CAMK1D: variants seen among roughly 807,000 people sequenced by gnomAD.
The protein encoded by CAMK1D is calcium/calmodulin dependent protein kinase ID.
In CAMK1D, 9 loss-of-function variants were observed where a neutral mutation model predicts 47.7. The ratio of observed to expected loss-of-function variants is 0.19; its 90% CI spans 0.11 to 0.33. CAMK1D has a LOEUF of 0.33. Ranked by LOEUF, CAMK1D falls within the 10% of genes least tolerant of loss-of-function variation. The probability of loss-of-function intolerance (pLI) is 1.00; values close to 1 mark genes in which losing one functional copy is unlikely to be tolerated. For synonymous variants in CAMK1D, 184 were observed against 184.9 expected (o/e 0.99, Z 0.04); for missense variants, 291 against 488.7 (o/e 0.60, Z 3.81).
At chr10:12,727,400 A>G (rs17152157) in intron 3 of CAMK1D, among the ~76,000 whole-genome samples, 2,304 of 152,322 alleles carry the variant, frequency 0.015, 71 homozygotes, top group African/African-American at 0.052. Context: ...TTCAAGAAGC[A>G]TTTTTACTGA....
chr10:12,653,562 T>C (rs562001509), intron 2 of CAMK1D, among the ~76,000 whole-genome samples: 220 of 152,314 alleles, frequency 1.4e-3, no homozygotes, highest in Middle Eastern at 6.8e-3. Context: ...TAATTACTGA[T>C]GTGCAAAAAT....
At chr10:12,532,256 C>T (rs1276939933) in intron 1 of CAMK1D, among the ~76,000 whole-genome samples, 8 of 151,796 alleles carry the variant, frequency 5.3e-5, no homozygotes, top group Non-Finnish European at 4.4e-5. Flanking sequence ...CACTTGGCCA[C>T]AAGAGTCCTG....
chr10:12,634,503 G>C (rs1839461148), intron 2 of CAMK1D, among the ~76,000 whole-genome samples: 1 of 152,164 alleles, frequency 6.6e-6, no homozygotes, highest in Non-Finnish European at 1.5e-5. Context: ...CGGGGTGGGA[G>C]GTGGCTGGAA....
chr10:12,424,041 C>T (rs932921223), intron 1 of CAMK1D, among the ~76,000 whole-genome samples: 11 of 152,262 alleles, frequency 7.2e-5, no homozygotes, highest in South Asian at 2.1e-4. Flanking sequence ...CCACGCCGTG[C>T]GGCCTGTTCG....
chr10:12,462,025 G>A (rs963959927), intron 1 of CAMK1D, among the ~76,000 whole-genome samples: 10 of 152,028 alleles, frequency 6.6e-5, no homozygotes, highest in African/African-American at 1.7e-4. Flanking sequence ...ACTCCCTTGC[G>A]ACTCAGCGAA....
chr10:12,490,760 G>A (rs529019198), intron 1 of CAMK1D, among the ~76,000 whole-genome samples: 10 of 152,156 alleles, frequency 6.6e-5, no homozygotes, highest in African/African-American at 2.2e-4. Context: ...CAGGAGAATC[G>A]CTTGAACCCA....
intron 3 of CAMK1D, among the ~76,000 whole-genome samples, chr10:12,702,890 A>C (rs1310422763): frequency 6.6e-6 from 1 of 152,208 alleles, no homozygotes; most frequent in African/African-American, 2.4e-5. Flanking sequence ...AGTGCGCATG[A>C]TCTGAGATTA....
chr10:12,356,477 A>G (rs909938962), intron 1 of CAMK1D, among the ~76,000 whole-genome samples: 2 of 152,172 alleles, frequency 1.3e-5, no homozygotes, highest in Admixed American at 6.5e-5. Context: ...TGAAATTCTC[A>G]GAGGGACTTT....
At chr10:12,603,832 C>T (rs532983250) in intron 2 of CAMK1D, among the ~76,000 whole-genome samples, 25 of 152,266 alleles carry the variant, frequency 1.6e-4, no homozygotes, top group African/African-American at 5.5e-4. Context: ...TTTCATCTTT[C>T]CCCCATCTCC....
At chr10:12,394,259 C>T (rs1177062003) in intron 1 of CAMK1D, among the ~76,000 whole-genome samples, 1 of 152,104 alleles carries the variant, frequency 6.6e-6, no homozygotes, top group African/African-American at 2.4e-5. Context: ...GTGCCGTCCT[C>T]TCCGGGTGCC....
At chr10:12,358,627 G>A (rs1837579845) in intron 1 of CAMK1D, among the ~76,000 whole-genome samples, 1 of 152,136 alleles carries the variant, frequency 6.6e-6, no homozygotes, top group Non-Finnish European at 1.5e-5. Flanking sequence ...TGCTGAGGCC[G>A]GGTAAAGGAG....
chr10:12,567,718 G>A (rs374558298), intron 2 of CAMK1D, among the ~76,000 whole-genome samples: 3 of 152,144 alleles, frequency 2.0e-5, no homozygotes, highest in East Asian at 1.9e-4. Context: ...GCCTGTGAAC[G>A]TGTGGTTTCT....
intron 6 of CAMK1D, among the ~76,000 whole-genome samples, chr10:12,791,469 A>G (rs1837976458): frequency 6.6e-6 from 1 of 152,160 alleles, no homozygotes; most frequent in Admixed American, 6.5e-5. Context: ...CCCCTTACAT[A>G]AAAACTCCTT....
intron 2 of CAMK1D, among the ~76,000 whole-genome samples, chr10:12,576,250 T>A (rs891960919): frequency 6.6e-6 from 1 of 152,120 alleles, no homozygotes. Flanking sequence ...AATTAATGTA[T>A]CTATTTTGGG....
intron 3 of CAMK1D, among the ~76,000 whole-genome samples, chr10:12,684,309 G>A (rs1040355758): frequency 2.0e-5 from 3 of 152,120 alleles, no homozygotes; most frequent in Admixed American, 6.5e-5. Flanking sequence ...ATCCAACGGC[G>A]TCTCTGTAGG....
intron 1 of CAMK1D, among the ~76,000 whole-genome samples, chr10:12,523,080 C>G (rs542034790): frequency 1.3e-5 from 2 of 150,816 alleles, no homozygotes; most frequent in African/African-American, 4.9e-5. Flanking sequence ...GGGCGGCTGC[C>G]GGGTGGAGGG....
chr10:12,796,235 C>T lies in CAMK1D; in HGVS notation c.641+5002C>T, dbSNP rs1000213536. Among the ~76,000 whole-genome samples the T allele has an allele frequency of 4.6e-5, 7 of 152,238 alleles. No individual in the cohort carries two copies. In the South Asian group the frequency reaches 8.3e-4, roughly 18 times the overall value. On this transcript the variant is annotated intron_variant, in intron 6 of 10. Coordinates refer to ENST00000619168, the MANE Select transcript of CAMK1D (RefSeq NM_153498.4). ...TCCCACTCCCAAATTGGAACAGGCACGTCAGAGGCACAAGAGCAGGCTGGA... is the reference window on the plus strand; with the variant it reads ...TCCCACTCCCAAATTGGAACAGGCATGTCAGAGGCACAAGAGCAGGCTGGA...
intron 3 of CAMK1D, among the ~76,000 whole-genome samples, chr10:12,706,400 G>A (rs1238295109): frequency 6.6e-6 from 1 of 152,224 alleles, no homozygotes; most frequent in Admixed American, 6.5e-5. Flanking sequence ...CCACAGCACA[G>A]CAGTGTAGAT....
chr10:12,503,736 A>T (rs1207071096), intron 1 of CAMK1D, among the ~76,000 whole-genome samples: 7 of 152,148 alleles, frequency 4.6e-5, no homozygotes, highest in Admixed American at 4.6e-4. Flanking sequence ...TTCCATGATG[A>T]TTGGGCCAAC....
Sources: gnomAD v4.1 joint callset for allele counts (sites outside exome capture counted in the v4.1 genomes callset) on GRCh38, gnomAD v4.1.1 for gene constraint, MANE v1.5 for transcripts, NCBI Gene and HGNC (gene_info 2026-07-23, HGNC 2026-07-21) for gene names.